SPAG16: variants seen among roughly 807,000 people sequenced by gnomAD.
SPAG16 encodes sperm associated antigen 16, also known as sperm-associated antigen 16 protein.
SPAG16 carries 86 observed loss-of-function variants against 80.4 expected under a neutral mutation model. The ratio of observed to expected loss-of-function variants is 1.07; its 90% CI spans 0.90 to 1.28. The LOEUF (loss-of-function observed/expected upper bound fraction) is 1.28. SPAG16 is among the 50% of genes most tolerant of loss of function. SPAG16 has a pLI of 0.00. For synonymous variants in SPAG16, 294 were observed against 265.9 expected (o/e 1.11, Z -1.03); for missense variants, 870 against 765.3 (o/e 1.14, Z -1.61).
chr2:213,640,938 G>A (rs934103093), intron 10 of SPAG16, among the ~76,000 whole-genome samples: 15 of 152,254 alleles, frequency 9.9e-5, no homozygotes, highest in African/African-American at 3.1e-4. Flanking sequence ...GATACACCTT[G>A]CCCTGAGGCC....
At chr2:214,175,600 C>T (rs1267623203) in intron 15 of SPAG16, among the ~76,000 whole-genome samples, 2 of 151,048 alleles carry the variant, frequency 1.3e-5, no homozygotes, top group Non-Finnish European at 3.0e-5. Flanking sequence ...GGGAAGACAC[C>T]TCAAAGCCAA....
chr2:214,085,450 G>A (rs1252963593), intron 13 of SPAG16, among the ~76,000 whole-genome samples: 1 of 111,364 alleles, frequency 9.0e-6, no homozygotes, highest in African/African-American at 3.1e-5. Flanking sequence ...GTCTCCATAT[G>A]TTGGTATGGA....
intron 10 of SPAG16, among the ~76,000 whole-genome samples, chr2:213,492,360 C>A (rs944382882): frequency 1.4e-4 from 21 of 152,034 alleles, no homozygotes; most frequent in African/African-American, 5.1e-4. Flanking sequence ...ACCATCCTGG[C>A]TAACACAGTG....
intron 12 of SPAG16, among the ~76,000 whole-genome samples, chr2:213,960,573 T>G (rs1422939185): frequency 6.6e-6 from 1 of 152,202 alleles, no homozygotes; most frequent in Non-Finnish European, 1.5e-5. Flanking sequence ...TTGTTTTTGT[T>G]TTCCTATTGT....
intron 15 of SPAG16, among the ~76,000 whole-genome samples, chr2:214,312,015 G>GA (rs1695374017): frequency 6.6e-6 from 1 of 152,100 alleles, no homozygotes; most frequent in East Asian, 1.9e-4. Flanking sequence ...GCGTATATTT[G>GA]AAAATGAAAA....
chr2:214,073,471 A>G (rs1450812886), intron 13 of SPAG16, among the ~76,000 whole-genome samples: 3 of 151,990 alleles, frequency 2.0e-5, no homozygotes, highest in Admixed American at 1.3e-4. Flanking sequence ...TCCTGAGCTC[A>G]TGATTCACCT....
intron 10 of SPAG16, among the ~76,000 whole-genome samples, chr2:213,681,550 G>A (rs1461781927): frequency 6.6e-6 from 1 of 152,088 alleles, no homozygotes; most frequent in East Asian, 1.9e-4. Context: ...ATTAACACAT[G>A]GCCAGGTTAT....
At chr2:214,281,132 T>A (rs1692898978) in intron 15 of SPAG16, 1 of 381,374 alleles carries the variant, frequency 2.6e-6, no homozygotes, top group Non-Finnish European at 5.2e-6. Context: ...CCAAACCTAT[T>A]GAGAAGCCTG....
intron 13 of SPAG16, among the ~76,000 whole-genome samples, chr2:214,025,349 T>C (rs2048075649): frequency 6.6e-6 from 1 of 151,630 alleles, no homozygotes. Context: ...CCACAGTATG[T>C]ATAGTGTTTA....
intron 10 of SPAG16, among the ~76,000 whole-genome samples, chr2:213,652,548 C>A (rs75508809): frequency 6.6e-6 from 1 of 152,012 alleles, no homozygotes; most frequent in African/African-American, 2.4e-5. Flanking sequence ...GCATCCCTTG[C>A]GAGCATTTCA....
intron 15 of SPAG16, among the ~76,000 whole-genome samples, chr2:214,255,612 G>A (rs1393895216): frequency 6.6e-6 from 1 of 151,846 alleles, no homozygotes; most frequent in Non-Finnish European, 1.5e-5. Flanking sequence ...ACCAGATATG[G>A]AATGTTATTG....
chr2:213,709,289 G>A (rs957485142), intron 10 of SPAG16, among the ~76,000 whole-genome samples: 3 of 152,118 alleles, frequency 2.0e-5, no homozygotes, highest in African/African-American at 4.8e-5. Context: ...CAGGTGCAAT[G>A]GAAAAGGAAG....
intron 9 of SPAG16, among the ~76,000 whole-genome samples, chr2:213,388,197 C>G (rs116317427): frequency 6.6e-6 from 1 of 152,208 alleles, no homozygotes; most frequent in South Asian, 2.1e-4. Flanking sequence ...GGGCAAAAAG[C>G]ATCCTGTCCT....
chr2:214,136,557 G>T (rs987089392), intron 14 of SPAG16, among the ~76,000 whole-genome samples: 1 of 152,170 alleles, frequency 6.6e-6, no homozygotes, highest in Non-Finnish European at 1.5e-5. Context: ...TGGTGATATG[G>T]TAGTTGTTAA....
Position 213,615,053 on chromosome 2 carries a change from A to C in SPAG16, c.1070+124963A>C, listed in dbSNP as rs150287705. Among the ~76,000 whole-genome samples the C allele has an allele frequency of 1.5e-3, 234 of 152,330 alleles. 2 individuals are homozygous for C. The highest frequency in any genetic ancestry group is 5.2e-3 in the African/African-American group (215 of 41,578). On this transcript the variant is annotated intron_variant, in intron 10 of 15. Coordinates refer to ENST00000331683, the MANE Select transcript of SPAG16 (RefSeq NM_024532.5). ...AACCACTTTATTGATAACTAATCTG[A>C]GAGTCTCAGAGTGGTTAAGTTGATT...
chr2:214,317,117 G>C (rs1221169119), intron 15 of SPAG16, among the ~76,000 whole-genome samples: 2 of 152,108 alleles, frequency 1.3e-5, no homozygotes, highest in African/African-American at 4.8e-5. Flanking sequence ...TTGGGCTCTA[G>C]AAAATTAGAA....
chr2:214,266,444 A>T (rs1691576985), intron 15 of SPAG16, among the ~76,000 whole-genome samples: 1 of 151,874 alleles, frequency 6.6e-6, no homozygotes, highest in Non-Finnish European at 1.5e-5. Context: ...AACAGAGCTC[A>T]ACAAATTAGA....
At chr2:214,020,238 C>A (rs1043943890) in intron 13 of SPAG16, among the ~76,000 whole-genome samples, 3 of 152,136 alleles carry the variant, frequency 2.0e-5, no homozygotes, top group African/African-American at 7.2e-5. Context: ...CATTTCCATG[C>A]CTCTATTAAT....
chr2:213,374,729 A>G (rs2066801307), intron 8 of SPAG16, among the ~76,000 whole-genome samples: 1 of 152,090 alleles, frequency 6.6e-6, no homozygotes, highest in African/African-American at 2.4e-5. Flanking sequence ...TTATAAACAC[A>G]CAAAGCCTTG....
Sources: gnomAD v4.1 joint callset for allele counts (sites outside exome capture counted in the v4.1 genomes callset) on GRCh38, gnomAD v4.1.1 for gene constraint, MANE v1.5 for transcripts, NCBI Gene and HGNC (gene_info 2026-07-23, HGNC 2026-07-21) for gene names.